Variants in MPPED1 observed in about 807,000 individuals in gnomAD.
MPPED1 encodes metallophosphoesterase domain containing 1.
A neutral mutation model predicts 36.2 loss-of-function variants in MPPED1; 16 were observed. That is an observed-to-expected ratio of 0.44 (90% CI 0.30 to 0.67). MPPED1 has a LOEUF of 0.67. Among genes scored for constraint, MPPED1 ranks in the 30% least tolerant of loss-of-function variants. MPPED1 has a pLI of 0.10. For missense variants in MPPED1, 307 were observed against 453.4 expected, an observed-to-expected ratio of 0.68 and a Z score of 2.93; for synonymous variants, 199 against 191.3, an observed-to-expected ratio of 1.04 and a Z score of -0.33.
chr22:43,434,922 T>C, intron 2 of MPPED1, 112 bp from the exon 3 acceptor site: 6 of 1,175,160 alleles, frequency 5.1e-6, no homozygotes, highest in Non-Finnish European at 7.3e-6. Context: ...GTCTGGTGGA[T>C]CTGAGCGGGA....
intron 4 of MPPED1, among the ~76,000 whole-genome samples, chr22:43,492,515 C>T (rs1384869037): frequency 6.6e-6 from 1 of 152,148 alleles, no homozygotes; most frequent in Non-Finnish European, 1.5e-5. Flanking sequence ...TTGGTGGGCA[C>T]TGCCTGTGGG....
Position 43,434,824 on chromosome 22 carries a change from G to A in MPPED1, c.225-210G>A, listed in dbSNP as rs117235572. Among the ~76,000 whole-genome samples, 137 of 152,322 alleles carry A rather than the reference G, an allele frequency of 9.0e-4. No individual in the cohort carries two copies. The East Asian group carries it at 0.019, about 22-fold the overall frequency. On this transcript the variant is annotated intron_variant, in intron 2 of 6. Transcript: ENST00000443721. ...CAGACAGGGAAACTGAGGCTTGGGG[G>A]CCAAACATGCTTTGCCTGGCTAAAG...
chr22:43,457,588 C>T (rs1421194621), intron 3 of MPPED1, among the ~76,000 whole-genome samples: 1 of 151,998 alleles, frequency 6.6e-6, no homozygotes, highest in Non-Finnish European at 1.5e-5. Flanking sequence ...TTTTGTCCAT[C>T]TTTTCTTCTA....
intron 1 of MPPED1, among the ~76,000 whole-genome samples, chr22:43,422,797 T>C (rs1254125229): frequency 6.6e-6 from 1 of 152,118 alleles, no homozygotes; most frequent in Non-Finnish European, 1.5e-5. Flanking sequence ...CCTGCTTACT[T>C]CTTCATTTAA....
intron 2 of MPPED1, among the ~76,000 whole-genome samples, chr22:43,426,738 C>T (rs1440798535): frequency 1.3e-5 from 2 of 152,216 alleles, no homozygotes; most frequent in African/African-American, 2.4e-5. Context: ...TCGCCCTCTT[C>T]CAGTGGCACT....
chr22:43,447,881 A>ATTT lies in MPPED1; in HGVS notation c.406+12667_406+12668insTTT, dbSNP rs1463126887. On this transcript the variant is annotated intron_variant, in intron 3 of 6. Coordinates refer to ENST00000443721, the MANE Select transcript of MPPED1 (RefSeq NM_001044370.2). ...ATATTATATATATATATATATATAT[A>ATTT]TATTTTTTTTTTTTTTAGACAAAGT... Among the ~76,000 whole-genome samples, 341 of 34,548 alleles carry ATTT rather than the reference A, an allele frequency of 9.9e-3. 1 individual carries two copies. Among genetic ancestry groups the ATTT allele is most frequent in the African/African-American group, 0.045 (271 of 6,082 alleles). The allele number at this position is 34,548 out of a possible 152,430, so 22.7% of individuals were successfully genotyped here. A position where few individuals can be genotyped will look rare whatever the true frequency, so the allele number is the denominator to read the frequency against.
chr22:43,418,371 G>A lies in MPPED1; in HGVS notation c.-79+6213G>A, dbSNP rs532430545. On this transcript the variant is annotated intron_variant, in intron 1 of 6. Transcript: ENST00000443721. ...CTGCAGGGCAGCAGCTCCTCTGGTA[G>A]TGCAATCCTCCAAGATCTTCCTCAC... is the stretch of plus-strand genomic sequence containing the variant. The A allele has an allele frequency of 1.2e-5, 4 of 346,938 alleles. No homozygotes were observed. In the East Asian group the frequency reaches 2.3e-4, roughly 20 times the overall value. 21.5% of individuals were successfully genotyped at this position (346,938 alleles called of 1,614,324 possible). A position where few individuals can be genotyped will look rare whatever the true frequency, so the allele number is the denominator to read the frequency against.
intron 4 of MPPED1, among the ~76,000 whole-genome samples, chr22:43,477,874 C>T (rs930759299): frequency 3.9e-5 from 6 of 152,164 alleles, no homozygotes; most frequent in Non-Finnish European, 8.8e-5. Flanking sequence ...AGTGGGGAAA[C>T]GACACCGCCT....
chr22:43,436,896 G>A (rs1307592752), intron 3 of MPPED1, among the ~76,000 whole-genome samples: 1 of 152,246 alleles, frequency 6.6e-6, no homozygotes, highest in East Asian at 1.9e-4. Context: ...GTTCTGAAGG[G>A]TGGGGACTGT....
intron 3 of MPPED1, among the ~76,000 whole-genome samples, chr22:43,473,808 G>A (rs895012682): frequency 2.0e-5 from 3 of 152,130 alleles, no homozygotes; most frequent in Non-Finnish European, 2.9e-5. Flanking sequence ...GGCAGCTGCC[G>A]AGAAACCAGC....
intron 4 of MPPED1, among the ~76,000 whole-genome samples, chr22:43,495,674 G>A (rs1248501449): frequency 2.8e-5 from 2 of 72,440 alleles, no homozygotes; most frequent in African/African-American, 7.7e-5. Context: ...GGAGGTGGTG[G>A]TGGTGGAGAT....
chr22:43,413,255 G>A (rs1487986368), intron 1 of MPPED1, among the ~76,000 whole-genome samples: 1 of 152,104 alleles, frequency 6.6e-6, no homozygotes, highest in Admixed American at 6.5e-5. Context: ...GCTGGCTGTT[G>A]AATGGCGGAG....
At chr22:43,460,364 C>T (rs896784243) in intron 3 of MPPED1, among the ~76,000 whole-genome samples, 2 of 144,280 alleles carry the variant, frequency 1.4e-5, no homozygotes, top group Non-Finnish European at 3.0e-5. Flanking sequence ...CACTCTGTCT[C>T]ACTGCTTCCA....
At position 43,460,417 on chromosome 22, in the gene MPPED1, G is replaced by A. The variant is rs540217574; in HGVS notation, c.407-14319G>A. On this transcript the variant is annotated intron_variant, in intron 3 of 6. Coordinates refer to ENST00000443721, the MANE Select transcript of MPPED1 (RefSeq NM_001044370.2). ...ACAATCGTGGCTCACTGCAATATCC[G>A]TCTCCTGGGTTCAAGTGATTCTCCT... 4.6e-5 allele frequency among the ~76,000 whole-genome samples: 7 copies of A among 151,826 alleles called. No homozygotes were observed. The South Asian group carries it at 6.2e-4, about 14-fold the overall frequency.
rs749353606 is a variant in MPPED1 at position 43,505,655 on chromosome 22, C to T, written c.*39C>T. 37 of 1,536,164 alleles carry T rather than the reference C, an allele frequency of 2.4e-5. No homozygotes were observed. Among genetic ancestry groups the T allele is most frequent in the Middle Eastern group, 1.7e-4 (1 of 5,958 alleles). On this transcript the variant is annotated 3_prime_UTR_variant, in exon 7 of 7. Transcript: ENST00000443721. ...CCCCTGCCCTGCCCGCCCGTGTCAG[C>T]TCCACAGGCCTGGCCCGGCCACTGT...
chr22:43,432,641 G>A (rs1217072676), intron 2 of MPPED1, among the ~76,000 whole-genome samples: 3 of 492 alleles, frequency 6.1e-3, no homozygotes, highest in Admixed American at 0.031. Context: ...GAGAGAGAGA[G>A]AGGGAAAGAG....
At chr22:43,425,461 TA>T (rs1171355837) in intron 2 of MPPED1, among the ~76,000 whole-genome samples, 1 of 152,212 alleles carries the variant, frequency 6.6e-6, no homozygotes, top group African/African-American at 2.4e-5. Context: ...GTTTTACAAA[TA>T]TTTAAAGATG....
intron 2 of MPPED1, among the ~76,000 whole-genome samples, chr22:43,432,241 A>AAGGG (rs1222121878): frequency 6.6e-6 from 1 of 151,204 alleles, no homozygotes; most frequent in African/African-American, 2.4e-5. Flanking sequence ...AAAGAAAGGG[A>AAGGG]AGAGAGGGAG....
At chr22:43,499,819 T>C (rs1457468715) in intron 5 of MPPED1, among the ~76,000 whole-genome samples, 1 of 42,136 alleles carries the variant, frequency 2.4e-5, no homozygotes. Flanking sequence ...ATGGGGGTGG[T>C]GGTGGTGATG....
Sources: gnomAD v4.1 joint callset for allele counts (sites outside exome capture counted in the v4.1 genomes callset) on GRCh38, gnomAD v4.1.1 for gene constraint, MANE v1.5 for transcripts, NCBI Gene and HGNC (gene_info 2026-07-23, HGNC 2026-07-21) for gene names.